TRPM3: variants seen among roughly 807,000 people sequenced by gnomAD.
TRPM3 encodes long transient receptor potential channel 3.
TRPM3 carries 77 observed loss-of-function variants against 181.2 expected under a neutral mutation model. The ratio of observed to expected loss-of-function variants is 0.42; its 90% CI spans 0.35 to 0.51. TRPM3 has a LOEUF of 0.51. Among genes scored for constraint, TRPM3 ranks in the 20% least tolerant of loss-of-function variants. TRPM3 has a pLI of 0.01. For missense variants in TRPM3, 1,759 were observed against 2,196.7 expected, an observed-to-expected ratio of 0.80 and a Z score of 3.98; for synonymous variants, 745 against 796.4, an observed-to-expected ratio of 0.94 and a Z score of 1.09.
intron 1 of TRPM3, among the ~76,000 whole-genome samples, chr9:70,920,513 T>C (rs1015929061): frequency 2.6e-5 from 4 of 152,190 alleles, no homozygotes; most frequent in African/African-American, 9.6e-5. Flanking sequence ...CAGAACTCTT[T>C]AACATGGAGC....
Position 70,680,752 on chromosome 9 carries a change from G to A in TRPM3, c.1345+754C>T, listed in dbSNP as rs186816642. 6.6e-5 allele frequency among the ~76,000 whole-genome samples: 10 copies of A among 152,314 alleles called. No homozygotes were observed. In the East Asian group the frequency reaches 1.7e-3, roughly 26 times the overall value. On this transcript the variant is annotated intron_variant, in intron 9 of 25. Transcript: ENST00000677713. ...CTAGTTTGAATTTCAGCACTGAACAGGAGAAACTTCCTTCTGTTTAACACT... is the reference window on the plus strand; with the variant it reads ...CTAGTTTGAATTTCAGCACTGAACAAGAGAAACTTCCTTCTGTTTAACACT...
At chr9:71,110,638 CTTA>C (rs2070867187) in intron 1 of TRPM3, among the ~76,000 whole-genome samples, 1 of 152,122 alleles carries the variant, frequency 6.6e-6, no homozygotes, top group South Asian at 2.1e-4. Context: ...CTGATCTAAC[CTTA>C]TTCTCTCATT....
intron 6 of TRPM3, among the ~76,000 whole-genome samples, chr9:70,820,418 G>A (rs554402666): frequency 1.3e-5 from 2 of 152,080 alleles, no homozygotes; most frequent in Admixed American, 6.5e-5. Flanking sequence ...ACAGAGTCTC[G>A]CTCTTGTTGC....
intron 1 of TRPM3, among the ~76,000 whole-genome samples, chr9:71,406,582 T>C (rs1189169339): frequency 1.3e-5 from 2 of 151,998 alleles, no homozygotes. Context: ...ATAGAGAAAA[T>C]AGAAATTCTG....
chr9:70,938,301 T>C (rs1342907306), intron 1 of TRPM3, among the ~76,000 whole-genome samples: 1 of 152,174 alleles, frequency 6.6e-6, no homozygotes, highest in Non-Finnish European at 1.5e-5. Context: ...CTCAGTTCCC[T>C]GAGTCCTGAG....
intron 1 of TRPM3, among the ~76,000 whole-genome samples, chr9:71,335,429 A>C (rs2132565092): frequency 6.6e-6 from 1 of 152,274 alleles, no homozygotes; most frequent in Middle Eastern, 3.4e-3. Context: ...ACTTGTGGTT[A>C]AATTCTTATA....
At chr9:70,554,794 G>C (rs1411314835) in intron 22 of TRPM3, among the ~76,000 whole-genome samples, 2 of 152,174 alleles carry the variant, frequency 1.3e-5, no homozygotes, top group African/African-American at 4.8e-5. Flanking sequence ...CCAAGACCTG[G>C]TTTTTATGGC....
chr9:70,576,555 C>T (rs997602433), intron 22 of TRPM3, among the ~76,000 whole-genome samples: 1 of 151,076 alleles, frequency 6.6e-6, no homozygotes, highest in East Asian at 1.9e-4. Context: ...TGCTCGGTCG[C>T]CCAGACTAGA....
intron 1 of TRPM3, among the ~76,000 whole-genome samples, chr9:71,116,377 A>G (rs2072384465): frequency 6.6e-6 from 1 of 152,234 alleles, no homozygotes; most frequent in African/African-American, 2.4e-5. Flanking sequence ...CTTGAACATC[A>G]TAAATTTAAA....
intron 1 of TRPM3, among the ~76,000 whole-genome samples, chr9:71,356,506 A>G (rs1401792852): frequency 6.6e-6 from 1 of 152,106 alleles, no homozygotes; most frequent in African/African-American, 2.4e-5. Flanking sequence ...CCTGAATTCA[A>G]ACCTCAGCTT....
At chr9:71,041,866 C>G (rs923640642) in intron 1 of TRPM3, among the ~76,000 whole-genome samples, 1 of 152,102 alleles carries the variant, frequency 6.6e-6, no homozygotes, top group African/African-American at 2.4e-5. Flanking sequence ...CCAGTCTCCT[C>G]GTTGCCCTCA....
At chr9:70,932,073 A>G (rs1185587491) in intron 1 of TRPM3, among the ~76,000 whole-genome samples, 1 of 152,162 alleles carries the variant, frequency 6.6e-6, no homozygotes, top group African/African-American at 2.4e-5. Flanking sequence ...TAAATCTACA[A>G]TATGGAGGGA....
chr9:71,424,312 A>G (rs774857490), intron 1 of TRPM3, among the ~76,000 whole-genome samples: 2 of 152,114 alleles, frequency 1.3e-5, no homozygotes, highest in Non-Finnish European at 2.9e-5. Flanking sequence ...TTTTTCTACC[A>G]ACTTTTAAAA....
upstream of TRPM3, among the ~76,000 whole-genome samples, chr9:71,124,047 T>C (rs1362824712): frequency 1.3e-5 from 2 of 152,228 alleles, no homozygotes; most frequent in East Asian, 3.9e-4. Flanking sequence ...CAGCCCTCTC[T>C]AATGGCAATT....
At chr9:70,611,956 T>TCAGA (rs1482435578) in intron 18 of TRPM3, among the ~76,000 whole-genome samples, 2 of 152,224 alleles carry the variant, frequency 1.3e-5, no homozygotes, top group African/African-American at 4.8e-5. Flanking sequence ...GAATCCTAAC[T>TCAGA]CAGACACTTC....
At chr9:70,598,769 G>T in intron 20 of TRPM3, 99 bp from the exon 21 acceptor site, 1 of 1,428,116 alleles carries the variant, frequency 7.0e-7, no homozygotes, top group South Asian at 1.3e-5. Flanking sequence ...TTAGTAGCTT[G>T]CTTTGTCTAC....
chr9:70,853,395 C>T (rs889953077), intron 3 of TRPM3, among the ~76,000 whole-genome samples: 9 of 152,156 alleles, frequency 5.9e-5, no homozygotes, highest in Non-Finnish European at 1.5e-5. Flanking sequence ...AGGGCTTGGG[C>T]CTCTGCATTT....
At chr9:70,954,727 A>G (rs2097047117) in intron 1 of TRPM3, among the ~76,000 whole-genome samples, 2 of 152,122 alleles carry the variant, frequency 1.3e-5, no homozygotes, top group South Asian at 4.1e-4. Flanking sequence ...TTTTTAGGGA[A>G]ATGGTTTCGA....
At chr9:70,831,978 TATATA>T (rs1564497184) in intron 5 of TRPM3, among the ~76,000 whole-genome samples, 1,261 of 114,454 alleles carry the variant, frequency 0.011, 106 homozygotes, top group African/African-American at 0.037. Context: ...TATATATATA[TATATA>T]TATATATATA....
Sources: gnomAD v4.1 joint callset for allele counts (sites outside exome capture counted in the v4.1 genomes callset) on GRCh38, gnomAD v4.1.1 for gene constraint, MANE v1.5 for transcripts, NCBI Gene and HGNC (gene_info 2026-07-23, HGNC 2026-07-21) for gene names.